The following C1orf21 variants were observed in gnomAD, a reference collection of about 807,000 sequenced individuals.
C1orf21 encodes the protein uncharacterized protein C1orf21.
In C1orf21, 3 loss-of-function variants were observed where a neutral mutation model predicts 18.7. That is an observed-to-expected ratio of 0.16 (90% CI 0.07 to 0.42). C1orf21 has a LOEUF of 0.42. Among genes scored for constraint, C1orf21 ranks in the 10% least tolerant of loss-of-function variants. The probability of loss-of-function intolerance (pLI) is 0.99; values close to 1 mark genes in which losing one functional copy is unlikely to be tolerated. For missense variants in C1orf21, 104 were observed against 143.6 expected, an observed-to-expected ratio of 0.72 and a Z score of 1.41; for synonymous variants, 41 against 46.4, an observed-to-expected ratio of 0.88 and a Z score of 0.47.
At chr1:184,519,477 T>G (rs1440747781) in intron 3 of C1orf21, among the ~76,000 whole-genome samples, 2 of 152,224 alleles carry the variant, frequency 1.3e-5, no homozygotes, top group African/African-American at 4.8e-5. Context: ...GTGGATTTAT[T>G]TATCTCACTA....
At chr1:184,481,696 T>C (rs1657658453) in intron 2 of C1orf21, among the ~76,000 whole-genome samples, 5 of 152,198 alleles carry the variant, frequency 3.3e-5, no homozygotes, top group Non-Finnish European at 7.3e-5. Context: ...TTTTATTTAC[T>C]CCAGCATTCT....
intron 2 of C1orf21, among the ~76,000 whole-genome samples, chr1:184,492,935 G>A (rs1297672886): frequency 6.6e-6 from 1 of 152,182 alleles, no homozygotes; most frequent in Non-Finnish European, 1.5e-5. Flanking sequence ...AAGAGCTACT[G>A]TACTATGATC....
chr1:184,498,318 A>G (rs1375679876), intron 2 of C1orf21, among the ~76,000 whole-genome samples: 1 of 152,246 alleles, frequency 6.6e-6, no homozygotes, highest in African/African-American at 2.4e-5. Flanking sequence ...GAATTAAGTC[A>G]GATGCGCATA....
intron 2 of C1orf21, among the ~76,000 whole-genome samples, chr1:184,484,744 A>G (rs2101993725): frequency 6.6e-6 from 1 of 152,328 alleles, no homozygotes; most frequent in East Asian, 1.9e-4. Flanking sequence ...TTCTGGAATG[A>G]TGGTGTGAGA....
chr1:184,534,850 G>A (rs774988132), intron 3 of C1orf21, among the ~76,000 whole-genome samples: 118 of 152,148 alleles, frequency 7.8e-4, no homozygotes, highest in Non-Finnish European at 1.4e-3. Context: ...GGCAGAGGTC[G>A]TAAATATGGA....
At chr1:184,540,006 T>C (rs1658623036) in intron 3 of C1orf21, 1 of 152,228 alleles carries the variant, frequency 6.6e-6, no homozygotes, top group Non-Finnish European at 1.5e-5. Flanking sequence ...AATAAACCCT[T>C]GTTGTTTTAA....
chr1:184,514,743 C>T (rs1358537522), intron 3 of C1orf21, among the ~76,000 whole-genome samples: 2 of 151,928 alleles, frequency 1.3e-5, no homozygotes, highest in African/African-American at 4.8e-5. Context: ...CCCTGCTTGT[C>T]GATACGAGAA....
At chr1:184,527,488 C>T (rs1377843135) in intron 3 of C1orf21, among the ~76,000 whole-genome samples, 1 of 151,976 alleles carries the variant, frequency 6.6e-6, no homozygotes, top group Non-Finnish European at 1.5e-5. Flanking sequence ...GCCTTAAGGG[C>T]TGAATAGGTA....
At chr1:184,426,701 A>G (rs1025940561) in intron 1 of C1orf21, among the ~76,000 whole-genome samples, 1 of 152,086 alleles carries the variant, frequency 6.6e-6, no homozygotes, top group African/African-American at 2.4e-5. Context: ...TTCCCTTCTG[A>G]ATGCTGATAA....
chr1:184,556,288 G>A (rs2101983847), intron 3 of C1orf21, among the ~76,000 whole-genome samples: 2 of 152,296 alleles, frequency 1.3e-5, no homozygotes, highest in South Asian at 4.1e-4. Flanking sequence ...CTGCTGACAG[G>A]CTTTCATACC....
intron 3 of C1orf21, among the ~76,000 whole-genome samples, chr1:184,578,993 TAAA>T (rs67905484): frequency 9.9e-4 from 121 of 121,658 alleles, no homozygotes; most frequent in African/African-American, 2.4e-3. Context: ...TTGTGAAGGT[TAAA>T]AAAAAAAAAA....
At chr1:184,448,538 G>T (rs895480862) in intron 1 of C1orf21, among the ~76,000 whole-genome samples, 3 of 152,198 alleles carry the variant, frequency 2.0e-5, no homozygotes, top group Admixed American at 6.5e-5. Context: ...GAACTAACCA[G>T]TTAGGACTAT....
At chr1:184,410,311 G>C (rs1004502007) in intron 1 of C1orf21, among the ~76,000 whole-genome samples, 3 of 151,858 alleles carry the variant, frequency 2.0e-5, no homozygotes, top group African/African-American at 4.8e-5. Flanking sequence ...GGATATCTTT[G>C]ATTTTATACT....
chr1:184,395,672 GT>G lies in C1orf21; in HGVS notation c.-125+8307del, dbSNP rs549152897. Among the ~76,000 whole-genome samples, 9 of 152,208 alleles carry G rather than the reference GT, an allele frequency of 5.9e-5. No homozygotes were observed. In the South Asian group the frequency reaches 1.9e-3, roughly 32 times the overall value. The stretch of plus-strand genomic sequence containing the variant: ...TTGAGATAAGAAAGCACCAAGCTCT[GT>G]TTAGTGGGAAGCAGACTGTGCATCC... On this transcript the variant is annotated intron_variant, in intron 1 of 5. Coordinates refer to ENST00000235307, the MANE Select transcript of C1orf21 (RefSeq NM_030806.4).
chr1:184,398,950 AT>A (rs1297893790), intron 1 of C1orf21, among the ~76,000 whole-genome samples: 2 of 152,206 alleles, frequency 1.3e-5, no homozygotes, highest in African/African-American at 4.8e-5. Flanking sequence ...TCCTTTTAAA[AT>A]AATCATAATA....
At chr1:184,556,222 T>C (rs1321609461) in intron 3 of C1orf21, among the ~76,000 whole-genome samples, 1 of 152,044 alleles carries the variant, frequency 6.6e-6, no homozygotes, top group Admixed American at 6.6e-5. Context: ...GTGGGGTGGG[T>C]CAGTAGCAGA....
chr1:184,548,835 T>A (rs953670588), intron 3 of C1orf21, among the ~76,000 whole-genome samples: 1 of 152,126 alleles, frequency 6.6e-6, no homozygotes, highest in Non-Finnish European at 1.5e-5. Context: ...AAAGTCACGG[T>A]TGTTTTCATA....
chr1:184,526,381 T>C (rs1658376353), intron 3 of C1orf21, among the ~76,000 whole-genome samples: 1 of 152,178 alleles, frequency 6.6e-6, no homozygotes, highest in South Asian at 2.1e-4. Context: ...TTTACAATAA[T>C]TTCTTTTATA....
intron 5 of C1orf21, among the ~76,000 whole-genome samples, chr1:184,612,773 C>T (rs1197824777): frequency 1.3e-5 from 2 of 152,152 alleles, no homozygotes. Flanking sequence ...TCCCCTTTAT[C>T]CACTGTTTCA....
Sources: gnomAD v4.1 joint callset for allele counts (sites outside exome capture counted in the v4.1 genomes callset) on GRCh38, gnomAD v4.1.1 for gene constraint, MANE v1.5 for transcripts, NCBI Gene and HGNC (gene_info 2026-07-23, HGNC 2026-07-21) for gene names.